Variants in DISP3 observed in about 807,000 individuals in gnomAD.
DISP3 encodes dispatched RND transporter family member 3, also known as protein dispatched homolog 3.
In DISP3, 101 loss-of-function variants were observed where a neutral mutation model predicts 135.3. The observed-to-expected ratio is 0.75, with a 90% CI of 0.64 to 0.88. The LOEUF is 0.88. Ranked by LOEUF, DISP3 falls within the 40% of genes least tolerant of loss-of-function variation. DISP3 has a pLI of 0.00. For synonymous variants in DISP3, 856 were observed against 817.0 expected (o/e 1.05, Z -0.81); for missense variants, 1,713 against 1,878.6 (o/e 0.91, Z 1.63).
chr1:11,497,877 G>C (rs1641382057), intron 1 of DISP3, among the ~76,000 whole-genome samples: 1 of 152,196 alleles, frequency 6.6e-6, no homozygotes, highest in Admixed American at 6.5e-5. Flanking sequence ...CCTCACCCAA[G>C]TTCATCGGAG....
At chr1:11,521,844 T>A (rs1398423692) in intron 10 of DISP3, among the ~76,000 whole-genome samples, 1 of 151,232 alleles carries the variant, frequency 6.6e-6, no homozygotes, top group Non-Finnish European at 1.5e-5. Flanking sequence ...AAGTGAGGGG[T>A]CTGGATTTTA....
rs1367817606 is a variant in DISP3 at position 11,536,094 on chromosome 1, G to A, written c.3817-230G>A. 2.6e-5 allele frequency among the ~76,000 whole-genome samples: 4 copies of A among 152,176 alleles called. No individual in the cohort carries two copies. The highest frequency in any genetic ancestry group is 5.9e-5 in the Non-Finnish European group (4 of 68,030). ...CGTTGGTGTGAAAACATTCACAAAT[G>A]TGTAAAGATCAACTCAGTTACACAG... On this transcript the variant is annotated intron_variant, in intron 20 of 20. Transcript: ENST00000294484. The surrounding 1 kb of genome is among the most constrained non-coding windows in gnomAD (Gnocchi z 4.3).
Position 11,519,579 on chromosome 1 carries a change from A to G in DISP3, c.2038+76A>G. On this transcript the variant is annotated intron_variant, in intron 8 of 20. Coordinates refer to ENST00000294484, the MANE Select transcript of DISP3 (RefSeq NM_020780.2). This position sits in a 1 kb window ranked among gnomAD's most constrained non-coding sequence, Gnocchi z 4.3. Reference sequence around the variant, plus strand: ...GCCTCTGCCAGGGGAGTAACACTTGACAAGTTGGTCCTGAGGCTGGGGGCC... The same window carrying G: ...GCCTCTGCCAGGGGAGTAACACTTGGCAAGTTGGTCCTGAGGCTGGGGGCC... 6.3e-7 allele frequency: 1 copy of G among 1,584,274 alleles called. No individual in the cohort carries two copies. The highest frequency in any genetic ancestry group is 8.6e-7 in the Non-Finnish European group (1 of 1,163,080).
At chr1:11,485,418 A>G (rs957143404) in intron 1 of DISP3, among the ~76,000 whole-genome samples, 7 of 152,190 alleles carry the variant, frequency 4.6e-5, no homozygotes, top group Non-Finnish European at 1.0e-4. Context: ...TCCTTTGCCA[A>G]GCCTTGTTAA....
At chr1:11,533,258 T>C (rs1471491860) in intron 17 of DISP3, among the ~76,000 whole-genome samples, 3 of 146,152 alleles carry the variant, frequency 2.1e-5, no homozygotes, top group Admixed American at 7.4e-5. Context: ...TGTTTCTTTT[T>C]TTTTTTTTTT....
At chr1:11,508,486 T>C (rs1000780935) in intron 3 of DISP3, among the ~76,000 whole-genome samples, 23 of 152,210 alleles carry the variant, frequency 1.5e-4, no homozygotes, top group African/African-American at 5.3e-4. Context: ...TATTATCTTT[T>C]TAATGTTTGT....
At chr1:11,497,195 A>G (rs568716126) in intron 1 of DISP3, among the ~76,000 whole-genome samples, 1 of 151,878 alleles carries the variant, frequency 6.6e-6, no homozygotes, top group African/African-American at 2.4e-5. Flanking sequence ...TTCTTTTTTT[A>G]AAAAAAATTA....
chr1:11,502,999 T>C (rs1189527101), intron 3 of DISP3, 102 bp downstream of exon 3: 1 of 1,093,242 alleles, frequency 9.1e-7, no homozygotes, highest in African/African-American at 1.6e-5. Context: ...TCTTTTCCTT[T>C]GGAAGTCTTT....
intron 5 of DISP3, 58 bp from the exon 6 acceptor site, chr1:11,515,943 G>T: frequency 1.3e-6 from 2 of 1,585,232 alleles, no homozygotes; most frequent in African/African-American, 1.3e-5. Flanking sequence ...GCCAGGTTGG[G>T]CCTAATCCTG....
intron 13 of DISP3, among the ~76,000 whole-genome samples, chr1:11,527,663 C>T (rs1032084695): frequency 3.9e-5 from 6 of 152,166 alleles, no homozygotes; most frequent in African/African-American, 1.4e-4. Context: ...GGCCCGGGAG[C>T]TGCTCCCCAC....
intron 1 of DISP3, among the ~76,000 whole-genome samples, chr1:11,488,549 A>C (rs775895507): frequency 1.3e-5 from 2 of 152,008 alleles, no homozygotes; most frequent in African/African-American, 4.8e-5. Flanking sequence ...TCAGTCTCTC[A>C]TGTCTCCACC....
chr1:11,534,098 A>G (rs1387735962), intron 17 of DISP3, among the ~76,000 whole-genome samples: 1 of 152,218 alleles, frequency 6.6e-6, no homozygotes, highest in Non-Finnish European at 1.5e-5. Flanking sequence ...GGCAGAGGGA[A>G]CAGCATGCAC....
intron 20 of DISP3, 64 bp downstream of exon 20, chr1:11,535,708 C>A: frequency 6.5e-7 from 1 of 1,547,150 alleles, no homozygotes. Flanking sequence ...CTGGGTGCAG[C>A]TGAGGGACCC....
intron 17 of DISP3, among the ~76,000 whole-genome samples, chr1:11,533,305 G>GAC (rs1184058891): frequency 6.8e-6 from 1 of 147,514 alleles, no homozygotes; most frequent in Non-Finnish European, 1.5e-5. Flanking sequence ...ACCCAGGCTG[G>GAC]AGTGCAGTTG....
intron 10 of DISP3, among the ~76,000 whole-genome samples, chr1:11,522,726 GGGCCC>G (rs1570130886): frequency 2.1e-4 from 29 of 136,250 alleles, no homozygotes; most frequent in South Asian, 6.8e-4. Context: ...GGCCCAGCCA[GGGCCC>G]AGCCAGGGCC....
In DISP3 at chr1:11,520,854, G is replaced by C; in HGVS notation, c.2362+6G>C. 6.3e-7 allele frequency: 1 copy of C among 1,591,752 alleles called. No homozygotes were observed. Among genetic ancestry groups the C allele is most frequent in the Non-Finnish European group, 8.6e-7 (1 of 1,168,642 alleles). ...CTCCTGCATCACCTGTTCAGGTGAGGCTTCTAGCCAGGCTGTCCCTGGCCC... is the reference window on the plus strand; with the variant it reads ...CTCCTGCATCACCTGTTCAGGTGAGCCTTCTAGCCAGGCTGTCCCTGGCCC... On this transcript the variant is annotated splice_donor_region_variant and intron_variant, in intron 10 of 20. Coordinates refer to ENST00000294484, the MANE Select transcript of DISP3 (RefSeq NM_020780.2). The surrounding 1 kb of genome is among the most constrained non-coding windows in gnomAD (Gnocchi z 4.8).
chr1:11,517,177 A>G (rs919626336), intron 6 of DISP3, among the ~76,000 whole-genome samples: 9 of 152,174 alleles, frequency 5.9e-5, no homozygotes, highest in Admixed American at 4.6e-4. Context: ...GCTACTGACC[A>G]CTGCCTCTGT....
rs1641979358 is a variant in DISP3, at chr1:11,515,357, T to G, written c.1454-12T>G. 1.9e-6 allele frequency: 3 copies of G among 1,614,152 alleles called. No homozygotes were observed. The highest frequency in any genetic ancestry group is 2.5e-6 in the Non-Finnish European group (3 of 1,179,956). ...CCCCCCACCGTCTCCCTGTGTCTCTTACCCTGCCCAGTGTTCCTGTCCTTC... is the reference window on the plus strand; with the variant it reads ...CCCCCCACCGTCTCCCTGTGTCTCTGACCCTGCCCAGTGTTCCTGTCCTTC... On this transcript the variant is annotated splice_polypyrimidine_tract_variant and intron_variant, in intron 4 of 20. Coordinates refer to ENST00000294484, the MANE Select transcript of DISP3 (RefSeq NM_020780.2).
At position 11,531,036 on chromosome 1, in the gene DISP3, GC is replaced by G; in HGVS notation, c.3229+4del. On this transcript the variant is annotated splice_donor_region_variant and intron_variant, in intron 16 of 20. Coordinates refer to ENST00000294484, the MANE Select transcript of DISP3 (RefSeq NM_020780.2). The surrounding 1 kb of genome is among the most constrained non-coding windows in gnomAD (Gnocchi z 5.2). ...TGGGGCCCAGTGCCTGCCTTCAGGTGCGTGGGGTGTGGGGAGCTGGTTCCTC... is the reference window on the plus strand; with the variant it reads ...TGGGGCCCAGTGCCTGCCTTCAGGTGGTGGGGTGTGGGGAGCTGGTTCCTC... The G allele has an allele frequency of 6.2e-7, 1 of 1,613,378 alleles. No individual in the cohort carries two copies. The highest frequency in any genetic ancestry group is 1.3e-5 in the African/African-American group (1 of 75,040).
Sources: gnomAD v4.1 joint callset for allele counts (sites outside exome capture counted in the v4.1 genomes callset) on GRCh38, gnomAD v4.1.1 for gene constraint, Gnocchi (gnomAD v3.1) non-coding constraint, MANE v1.5 for transcripts, NCBI Gene and HGNC (gene_info 2026-07-23, HGNC 2026-07-21) for gene names.